The following NR3C1 variants were observed in gnomAD, a reference collection of about 807,000 sequenced individuals.
The protein encoded by NR3C1 is nuclear receptor subfamily 3 group C member 1.
A neutral mutation model predicts 74.0 loss-of-function variants in NR3C1; 14 were observed. The observed-to-expected ratio is 0.19, with a 90% confidence interval of 0.12 to 0.30. NR3C1 has a LOEUF of 0.30. Among genes scored for constraint, NR3C1 ranks in the 10% least tolerant of loss-of-function variants. The pLI is 1.00. For synonymous variants in NR3C1, 308 were observed against 332.5 expected, an observed-to-expected ratio of 0.93 and a Z score of 0.80; for missense variants, 695 against 909.8, an observed-to-expected ratio of 0.76 and a Z score of 3.04.
At chr5:143,337,867 T>C (rs1827447328) in intron 2 of NR3C1, among the ~76,000 whole-genome samples, 1 of 152,148 alleles carries the variant, frequency 6.6e-6, no homozygotes, top group East Asian at 1.9e-4. Flanking sequence ...AACGATCACA[T>C]TTGTCAGGGC....
At chr5:143,397,613 C>T (rs61751169) in intron 2 of NR3C1, among the ~76,000 whole-genome samples, 43 of 151,640 alleles carry the variant, frequency 2.8e-4, no homozygotes, top group African/African-American at 1.0e-3. Context: ...AGTATTATAC[C>T]TTCTTGTTAG....
chr5:143,375,398 T>C (rs571509209), intron 2 of NR3C1, among the ~76,000 whole-genome samples: 4 of 152,238 alleles, frequency 2.6e-5, no homozygotes, highest in Non-Finnish European at 4.4e-5. Context: ...TGCAACACTA[T>C]AGTAGCTACA....
intron 2 of NR3C1, among the ~76,000 whole-genome samples, chr5:143,382,227 AATTATAT>A (rs764285970): frequency 5.9e-5 from 9 of 152,114 alleles, no homozygotes; most frequent in Non-Finnish European, 1.2e-4. Context: ...CACCCCAGTC[AATTATAT>A]ATCACCCCCA....
chr5:143,363,294 C>T (rs527553151), intron 2 of NR3C1, among the ~76,000 whole-genome samples: 55 of 152,268 alleles, frequency 3.6e-4, no homozygotes, highest in South Asian at 2.9e-3. Context: ...TACTCACCAA[C>T]AACAAATACT....
chr5:143,419,536 G>A (rs1751106650), intron 1 of NR3C1, among the ~76,000 whole-genome samples: 1 of 152,144 alleles, frequency 6.6e-6, no homozygotes, highest in Admixed American at 6.5e-5. Context: ...TTTTAAAGCT[G>A]GGCGTCTGGG....
chr5:143,288,820 G>A (rs1815176244), intron 7 of NR3C1, among the ~76,000 whole-genome samples: 1 of 151,930 alleles, frequency 6.6e-6, no homozygotes, highest in Non-Finnish European at 1.5e-5. Context: ...AAAAATACGT[G>A]GAAGACCAGG....
chr5:143,315,358 G>A (rs536338253), intron 2 of NR3C1, among the ~76,000 whole-genome samples: 1 of 152,168 alleles, frequency 6.6e-6, no homozygotes, highest in Non-Finnish European at 1.5e-5. Context: ...TGTAATTAGA[G>A]ACTGCCCATT....
intron 2 of NR3C1, among the ~76,000 whole-genome samples, chr5:143,384,821 C>G (rs933107104): frequency 6.6e-6 from 1 of 152,208 alleles, no homozygotes; most frequent in African/African-American, 2.4e-5. Flanking sequence ...ATCTACCACT[C>G]TGGAGTCTGG....
chr5:143,397,142 T>C (rs1839372013), intron 2 of NR3C1, among the ~76,000 whole-genome samples: 1 of 151,882 alleles, frequency 6.6e-6, no homozygotes, highest in Non-Finnish European at 1.5e-5. Context: ...AGGAATTGCC[T>C]CTTCCCACCC....
chr5:143,302,720 G>A (rs1445888551), intron 4 of NR3C1, among the ~76,000 whole-genome samples: 1 of 152,070 alleles, frequency 6.6e-6, no homozygotes, highest in Non-Finnish European at 1.5e-5. Context: ...ACCCAACTGT[G>A]CTGTACTGAC....
chr5:143,349,261 T>C (rs1291690002), intron 2 of NR3C1, among the ~76,000 whole-genome samples: 1 of 152,198 alleles, frequency 6.6e-6, no homozygotes, highest in African/African-American at 2.4e-5. Context: ...CTTCTCTAAC[T>C]GCTTCTACCT....
At position 143,284,027 on chromosome 5, in the gene NR3C1, A is replaced by T. The variant is rs1481691651; in HGVS notation, c.2024-1302T>A. Among the ~76,000 whole-genome samples the T allele has an allele frequency of 2.0e-5, 3 of 152,182 alleles. No homozygotes were observed. The East Asian group carries it at 5.8e-4, about 29-fold the overall frequency. On this transcript the variant is annotated intron_variant, in intron 7 of 8. Transcript: ENST00000394464. Reference sequence around the variant, plus strand: ...CTTCACTGCTGCTGACATTTTTAGAAGATGCTGGTATAGAGGAAAAGCTAT... The same window carrying T: ...CTTCACTGCTGCTGACATTTTTAGATGATGCTGGTATAGAGGAAAAGCTAT...
rs777114662 is a variant in NR3C1, at chr5:143,400,810, A to G, written c.30T>C (p.Gly10=). 6.2e-7 allele frequency: 1 copy of G among 1,614,072 alleles called. No homozygotes were observed. Among genetic ancestry groups the G allele is most frequent in the Admixed American group, 1.7e-5 (1 of 60,022 alleles). Residue 10 remains glycine (G), a synonymous_variant, in exon 2 of 9, where the codon GGT becomes GGC. Transcript: ENST00000394464. MDSKESLTP[G]REENPSSVLA... is the part of the protein sequence containing the mutation. Reference sequence around the variant, plus strand: ...GCACACTGCTGGGGTTTTCTTCTCTACCAGGAGTTAATGATTCTTTGGAGT... The same window carrying G: ...GCACACTGCTGGGGTTTTCTTCTCTGCCAGGAGTTAATGATTCTTTGGAGT...
rs940015775 is a variant in NR3C1 at position 143,347,943 on chromosome 5, C to T, written c.1185-33775G>A. Among the ~76,000 whole-genome samples the T allele has an allele frequency of 9.2e-5, 14 of 152,242 alleles. No individual in the cohort carries two copies. In the East Asian group the frequency reaches 2.7e-3, roughly 29 times the overall value. Reference sequence around the variant, plus strand: ...TTTTAAGTACACATTCCAGTGTCAGCTTTCAATCTCTGTTCCCCAGTGAGG... The same window carrying T: ...TTTTAAGTACACATTCCAGTGTCAGTTTTCAATCTCTGTTCCCCAGTGAGG... On this transcript the variant is annotated intron_variant, in intron 2 of 8. Coordinates refer to ENST00000394464, the MANE Select transcript of NR3C1 (RefSeq NM_000176.3).
chr5:143,319,113 AC>A (rs1822789400), intron 2 of NR3C1, among the ~76,000 whole-genome samples: 2 of 152,142 alleles, frequency 1.3e-5, no homozygotes, highest in African/African-American at 4.8e-5. Context: ...TGTTATGGAG[AC>A]TAGTAAGGTA....
intron 1 of NR3C1, among the ~76,000 whole-genome samples, chr5:143,410,405 A>G (rs549347435): frequency 3.9e-5 from 6 of 152,346 alleles, no homozygotes; most frequent in South Asian, 2.1e-4. Context: ...CCTTAACAAG[A>G]TAAGAAGATA....
intron 1 of NR3C1, among the ~76,000 whole-genome samples, chr5:143,433,401 T>C (rs1163945927): frequency 1.4e-5 from 2 of 146,198 alleles, no homozygotes; most frequent in African/African-American, 2.5e-5. Flanking sequence ...AATATATATA[T>C]ATATAATTTA....
intron 1 of NR3C1, among the ~76,000 whole-genome samples, chr5:143,423,820 C>G (rs1600682159): frequency 6.6e-6 from 1 of 152,052 alleles, no homozygotes; most frequent in Non-Finnish European, 1.5e-5. Flanking sequence ...ATGGATGGAA[C>G]TGGAGGACAT....
chr5:143,355,588 TA>T (rs1282788505), intron 2 of NR3C1, among the ~76,000 whole-genome samples: 3 of 152,122 alleles, frequency 2.0e-5, no homozygotes, highest in Admixed American at 2.0e-4. Flanking sequence ...GTCAGTAAAT[TA>T]AATACATTGA....
Sources: gnomAD v4.1 joint callset for allele counts (sites outside exome capture counted in the v4.1 genomes callset) on GRCh38, gnomAD v4.1.1 for gene constraint, MANE v1.5 for transcripts, NCBI Gene and HGNC (gene_info 2026-07-23, HGNC 2026-07-21) for gene names.